The following ANO2 variants were observed in gnomAD, a reference collection of about 807,000 sequenced individuals.
ANO2 encodes the protein anoctamin 2.
A neutral mutation model predicts 124.2 loss-of-function variants in ANO2; 101 were observed. That is an observed-to-expected ratio of 0.81 (90% CI 0.69 to 0.96). The LOEUF (loss-of-function observed/expected upper bound fraction) is 0.96, where lower values mean the gene tolerates loss of function less well. Among genes scored for constraint, ANO2 ranks in the 40% least tolerant of loss-of-function variants. The pLI, the probability that ANO2 is intolerant of heterozygous loss-of-function variation, is 0.00. For missense variants in ANO2, 1,293 were observed against 1,274.5 expected (o/e 1.01, Z -0.22); for synonymous variants, 486 against 482.5 (o/e 1.01, Z -0.09).
At chr12:5,886,082 C>G (rs1938877954) in intron 3 of ANO2, among the ~76,000 whole-genome samples, 5 of 152,204 alleles carry the variant, frequency 3.3e-5, no homozygotes, top group Admixed American at 3.3e-4. Context: ...AGACCCTGAA[C>G]AGACCCTTCC....
chr12:5,920,623 T>G (rs1437329595), intron 3 of ANO2, among the ~76,000 whole-genome samples: 1 of 152,108 alleles, frequency 6.6e-6, no homozygotes, highest in African/African-American at 2.4e-5. Context: ...CCCAGCACTT[T>G]GGGAGGCCGA....
At chr12:5,646,300 C>A (rs1946634800) in intron 15 of ANO2, among the ~76,000 whole-genome samples, 2 of 152,318 alleles carry the variant, frequency 1.3e-5, no homozygotes, top group African/African-American at 4.8e-5. Context: ...GGTATTACTT[C>A]CTATCCTGTC....
chr12:5,916,003 A>T (rs984266064), intron 3 of ANO2, among the ~76,000 whole-genome samples: 1 of 150,262 alleles, frequency 6.7e-6, no homozygotes, highest in Non-Finnish European at 1.5e-5. Context: ...CTGGCCAGGC[A>T]CTGTGGATCA....
intron 3 of ANO2, chr12:5,870,246 G>T (rs7963813): frequency 0.16 from 23,705 of 152,196 alleles, 1,920 homozygotes; most frequent in Middle Eastern, 0.26. Flanking sequence ...ATTCTGAGAG[G>T]CCTCTAGAGA....
intron 3 of ANO2, among the ~76,000 whole-genome samples, chr12:5,872,638 A>AT (rs1334789811): frequency 6.6e-6 from 1 of 151,978 alleles, no homozygotes; most frequent in African/African-American, 2.4e-5. Context: ...TTACATCTTA[A>AT]TTTTTTTTAA....
At chr12:5,674,204 A>G (rs895163145) in intron 14 of ANO2, among the ~76,000 whole-genome samples, 1 of 152,156 alleles carries the variant, frequency 6.6e-6, no homozygotes, top group African/African-American at 2.4e-5. Context: ...ACCACTCTCC[A>G]CTATAGGTAA....
chr12:5,602,310 G>C (rs1943980297), intron 19 of ANO2, among the ~76,000 whole-genome samples: 1 of 152,004 alleles, frequency 6.6e-6, no homozygotes, highest in African/African-American at 2.4e-5. Context: ...GGGTGCAGTG[G>C]TGTGATTTCG....
At chr12:5,774,127 T>A (rs774678650) in intron 10 of ANO2, among the ~76,000 whole-genome samples, 10 of 151,934 alleles carry the variant, frequency 6.6e-5, no homozygotes, top group Non-Finnish European at 1.2e-4. Context: ...GCAGAAAAAA[T>A]AATAATAATA....
intron 3 of ANO2, among the ~76,000 whole-genome samples, chr12:5,888,361 A>C (rs1351342471): frequency 6.6e-6 from 1 of 152,156 alleles, no homozygotes; most frequent in Non-Finnish European, 1.5e-5. Context: ...TATTGCAAAA[A>C]GCGAAAGAAC....
At chr12:5,680,104 C>T (rs10849322) in intron 14 of ANO2, among the ~76,000 whole-genome samples, 75,867 of 151,926 alleles carry the variant, frequency 0.5, 21,038 homozygotes, top group Middle Eastern at 0.62. Flanking sequence ...CATGGACACA[C>T]TGGGGGAACA....
intron 6 of ANO2, among the ~76,000 whole-genome samples, chr12:5,828,211 G>C (rs1191497847): frequency 6.6e-6 from 1 of 152,160 alleles, no homozygotes; most frequent in East Asian, 1.9e-4. Context: ...GCCCACGTCG[G>C]GGAACCTCAG....
At chr12:5,878,509 A>G (rs1938263019) in intron 3 of ANO2, among the ~76,000 whole-genome samples, 1 of 152,244 alleles carries the variant, frequency 6.6e-6, no homozygotes, top group Non-Finnish European at 1.5e-5. Context: ...TTGATTCACT[A>G]ATTATAAGAT....
At chr12:5,622,550 G>C (rs889174020) in intron 16 of ANO2, among the ~76,000 whole-genome samples, 2 of 152,174 alleles carry the variant, frequency 1.3e-5, no homozygotes, top group African/African-American at 2.4e-5. Flanking sequence ...CTCCCAGTGA[G>C]GGAACAAATG....
chr12:5,701,118 A>G (rs1325949739), intron 14 of ANO2, among the ~76,000 whole-genome samples: 27 of 115,884 alleles, frequency 2.3e-4, no homozygotes, highest in African/African-American at 9.1e-4. Flanking sequence ...TTTTGAGACG[A>G]AGTCTCACTC....
chr12:5,932,771 A>C lies in ANO2; in HGVS notation c.23-9967T>G, dbSNP rs535673946. Reference sequence around the variant, plus strand: ...GAGGAAGGAAGACTAACAAGGAGATAATCTCCAGAATGGGAGGAGAGTCAA... The same window carrying C: ...GAGGAAGGAAGACTAACAAGGAGATCATCTCCAGAATGGGAGGAGAGTCAA... On this transcript the variant is annotated intron_variant, in intron 1 of 24. Transcript: ENST00000682330. Among the ~76,000 whole-genome samples the C allele has an allele frequency of 2.8e-3, 429 of 152,342 alleles. 1 individual carries two copies. Among genetic ancestry groups the C allele is most frequent in the African/African-American group, 9.9e-3 (411 of 41,572 alleles).
intron 23 of ANO2, among the ~76,000 whole-genome samples, chr12:5,575,614 T>C (rs577271101): frequency 6.6e-6 from 1 of 152,268 alleles, no homozygotes; most frequent in Admixed American, 6.5e-5. Context: ...TAGGCAGTAA[T>C]ATAGTGGTAA....
intron 19 of ANO2, among the ~76,000 whole-genome samples, chr12:5,610,624 T>G (rs962293631): frequency 6.3e-5 from 9 of 143,492 alleles, no homozygotes; most frequent in African/African-American, 2.3e-4. Context: ...TGTATATATT[T>G]ATATATATGT....
chr12:5,634,406 C>A (rs1272012742), intron 16 of ANO2, among the ~76,000 whole-genome samples: 1 of 152,136 alleles, frequency 6.6e-6, no homozygotes, highest in Admixed American at 6.5e-5. Context: ...CTCCTCGTTA[C>A]TAGGGTCAGA....
At chr12:5,784,795 G>A (rs1326327378) in intron 10 of ANO2, among the ~76,000 whole-genome samples, 1 of 152,148 alleles carries the variant, frequency 6.6e-6, no homozygotes, top group Non-Finnish European at 1.5e-5. Flanking sequence ...GAAGTGCTCT[G>A]GTCCCTGGAA....
Sources: allele counts gnomAD v4.1 joint callset (sites outside exome capture counted in the v4.1 genomes callset), GRCh38; gene constraint gnomAD v4.1.1; transcripts MANE v1.5; gene names NCBI Gene and HGNC (gene_info 2026-07-23, HGNC 2026-07-21).